TASP1: variants seen among roughly 807,000 people sequenced by gnomAD.
TASP1 encodes the protein threonine aspartase 1.
TASP1 carries 16 observed loss-of-function variants against 56.6 expected under a neutral mutation model. The observed-to-expected ratio is 0.28, with a 90% CI of 0.19 to 0.43. TASP1 has a LOEUF of 0.43. TASP1 is among the 20% of genes least tolerant of loss of function. The pLI, the probability that TASP1 is intolerant of heterozygous loss-of-function variation, is 1.00. For synonymous variants in TASP1, 179 were observed against 184.2 expected (o/e 0.97, Z 0.23); for missense variants, 393 against 511.6 (o/e 0.77, Z 2.24).
At chr20:13,610,060 G>T (rs6105142) in intron 4 of TASP1, among the ~76,000 whole-genome samples, 47,120 of 152,092 alleles carry the variant, frequency 0.31, 10,238 homozygotes, top group African/African-American at 0.62. Context: ...ATATCCAGAA[G>T]AGGTAAATCC....
intron 4 of TASP1, among the ~76,000 whole-genome samples, chr20:13,599,163 C>T (rs989604749): frequency 5.9e-5 from 9 of 152,148 alleles, no homozygotes; most frequent in East Asian, 1.9e-4. Flanking sequence ...TTTGACCCAG[C>T]GATCCCATTA....
At chr20:13,195,948 C>T in the TASP1 span, among the ~76,000 whole-genome samples, 1 of 152,182 alleles carries the variant, frequency 6.6e-6, no homozygotes, top group African/African-American at 2.4e-5. Flanking sequence ...ATAAAACACA[C>T]GCAATGATAC....
the TASP1 span, among the ~76,000 whole-genome samples, chr20:13,355,547 G>A: frequency 6.6e-6 from 1 of 152,192 alleles, no homozygotes; most frequent in African/African-American, 2.4e-5. Flanking sequence ...CTCTTTGAAG[G>A]TGAGATGTTT....
the TASP1 span, among the ~76,000 whole-genome samples, chr20:13,298,631 T>C: frequency 2.0e-5 from 3 of 152,216 alleles, no homozygotes; most frequent in Non-Finnish European, 4.4e-5. Context: ...GTAGTCATTG[T>C]ATAAGAATAT....
chr20:13,559,390 A>G (rs191975206), intron 7 of TASP1, among the ~76,000 whole-genome samples: 70 of 152,232 alleles, frequency 4.6e-4, no homozygotes, highest in African/African-American at 1.6e-3. Flanking sequence ...GCCTCCTCCA[A>G]CTGTCGTTTT....
At chr20:13,364,076 A>T in the TASP1 span, among the ~76,000 whole-genome samples, 1 of 152,094 alleles carries the variant, frequency 6.6e-6, no homozygotes, top group Admixed American at 6.6e-5. Flanking sequence ...GCACTAAAAA[A>T]GAGGGATTTA....
intron 7 of TASP1, among the ~76,000 whole-genome samples, chr20:13,565,075 G>A (rs1384092743): frequency 6.7e-6 from 1 of 149,770 alleles, no homozygotes; most frequent in African/African-American, 2.5e-5. Flanking sequence ...ATAGATTAAA[G>A]AGTTCAAAAA....
At chr20:13,392,756 C>T (rs2123576352) in intron 13 of TASP1, 1 of 590,166 alleles carries the variant, frequency 1.7e-6, no homozygotes, top group Non-Finnish European at 3.2e-6. Flanking sequence ...TCTGGTAAAG[C>T]AGATGTTCTC....
chr20:13,471,668 C>T (rs985760106), intron 11 of TASP1, among the ~76,000 whole-genome samples: 1 of 152,158 alleles, frequency 6.6e-6, no homozygotes, highest in African/African-American at 2.4e-5. Context: ...CATCCCACAT[C>T]TTAGAATAAA....
At chr20:13,629,018 T>G (rs1269551160) in intron 2 of TASP1, among the ~76,000 whole-genome samples, 1 of 152,200 alleles carries the variant, frequency 6.6e-6, no homozygotes, top group East Asian at 1.9e-4. Context: ...CACCAGTGTC[T>G]GAAGTCTCTT....
chr20:13,245,267 C>T, the TASP1 span: 1 of 152,214 alleles, frequency 6.6e-6, no homozygotes, highest in Non-Finnish European at 1.5e-5. Flanking sequence ...CATGGTCTCT[C>T]ACAGGCTACA....
At chr20:13,317,643 A>G in the TASP1 span, among the ~76,000 whole-genome samples, 2 of 152,100 alleles carry the variant, frequency 1.3e-5, no homozygotes, top group African/African-American at 4.8e-5. Flanking sequence ...ACCTACACCA[A>G]TAGAGTCAGT....
At chr20:13,475,652 T>A (rs1471935718) in intron 11 of TASP1, among the ~76,000 whole-genome samples, 1 of 152,124 alleles carries the variant, frequency 6.6e-6, no homozygotes, top group Non-Finnish European at 1.5e-5. Context: ...CCCAGCACTT[T>A]GGGAGGCCGA....
chr20:13,228,334 A>T, the TASP1 span, among the ~76,000 whole-genome samples: 1 of 151,778 alleles, frequency 6.6e-6, no homozygotes, highest in Admixed American at 6.6e-5. Flanking sequence ...AGTTTCAAAA[A>T]TTTTTTCAGA....
chr20:13,596,549 T>C (rs899258421), intron 4 of TASP1, among the ~76,000 whole-genome samples: 1 of 152,116 alleles, frequency 6.6e-6, no homozygotes, highest in African/African-American at 2.4e-5. Context: ...GACGGAAATT[T>C]ATAGCACTAA....
At chr20:13,268,301 C>T in the TASP1 span, among the ~76,000 whole-genome samples, 1 of 150,746 alleles carries the variant, frequency 6.6e-6, no homozygotes, top group South Asian at 2.1e-4. Flanking sequence ...TCTCTTCCTT[C>T]TCTTCTCTTT....
the TASP1 span, among the ~76,000 whole-genome samples, chr20:13,274,730 G>C: frequency 1.3e-4 from 17 of 128,044 alleles, no homozygotes; most frequent in African/African-American, 5.0e-4. Flanking sequence ...CCTTCTAAAA[G>C]CCCCAACACC....
intron 11 of TASP1, among the ~76,000 whole-genome samples, chr20:13,462,065 C>T (rs2044073901): frequency 6.6e-6 from 1 of 152,102 alleles, no homozygotes; most frequent in Admixed American, 6.6e-5. Context: ...CATTGTGGAG[C>T]TGGCACATAG....
At chr20:13,121,707 C>A in the TASP1 span, among the ~76,000 whole-genome samples, 1 of 152,170 alleles carries the variant, frequency 6.6e-6, no homozygotes, top group Admixed American at 6.5e-5. Context: ...GGAATCAAGG[C>A]TCTCCCTGAC....
Sources: allele counts gnomAD v4.1 joint callset (sites outside exome capture counted in the v4.1 genomes callset), GRCh38; gene constraint gnomAD v4.1.1; transcripts MANE v1.5; gene names NCBI Gene and HGNC (gene_info 2026-07-23, HGNC 2026-07-21).